PDGFC: variants seen among roughly 807,000 people sequenced by gnomAD.
The protein encoded by PDGFC is platelet derived growth factor C.
A neutral mutation model predicts 35.5 loss-of-function variants in PDGFC; 12 were observed. The ratio of observed to expected loss-of-function variants is 0.34; its 90% CI spans 0.22 to 0.55. The LOEUF is 0.55. Among genes scored for constraint, PDGFC ranks in the 20% least tolerant of loss-of-function variants. The pLI, the probability that PDGFC is intolerant of heterozygous loss-of-function variation, is 0.91. For synonymous variants in PDGFC, 159 were observed against 148.8 expected, an observed-to-expected ratio of 1.07 and a Z score of -0.50; for missense variants, 322 against 412.4, an observed-to-expected ratio of 0.78 and a Z score of 1.90.
chr4:156,940,810 T>C (rs1365238581), intron 1 of PDGFC, among the ~76,000 whole-genome samples: 1 of 152,162 alleles, frequency 6.6e-6, no homozygotes, highest in African/African-American at 2.4e-5. Context: ...GAGACAGATA[T>C]GACAATTCAG....
chr4:156,786,066 A>T (rs368919393), intron 3 of PDGFC, among the ~76,000 whole-genome samples: 2 of 152,240 alleles, frequency 1.3e-5, no homozygotes, highest in East Asian at 3.9e-4. Flanking sequence ...CCTAATCAAC[A>T]TAATATGATC....
chr4:156,880,669 G>C (rs1459197876), intron 1 of PDGFC, among the ~76,000 whole-genome samples: 4 of 152,204 alleles, frequency 2.6e-5, no homozygotes, highest in African/African-American at 9.6e-5. Context: ...TCCTCAGATG[G>C]ATCTCAAAAG....
At chr4:156,965,047 A>G (rs1199465438) in intron 1 of PDGFC, among the ~76,000 whole-genome samples, 1 of 152,194 alleles carries the variant, frequency 6.6e-6, no homozygotes, top group African/African-American at 2.4e-5. Context: ...TAGGAAACCT[A>G]TCCATTTGCC....
At chr4:156,899,228 C>A (rs1463134296) in intron 1 of PDGFC, among the ~76,000 whole-genome samples, 1 of 152,152 alleles carries the variant, frequency 6.6e-6, no homozygotes, top group Non-Finnish European at 1.5e-5. Context: ...ACTGAATCCA[C>A]AAAATGGTGT....
rs367687995 is a variant in PDGFC at position 156,946,837 on chromosome 4, TA to T, written c.118+23948del. On this transcript the variant is annotated intron_variant, in intron 1 of 5. Transcript: ENST00000502773. ...TCCCAGTTCATGTTTTCATATGTGTTAAGACTTTCTTGCCCTTGAAAATTTC... is the reference window on the plus strand; with the variant it reads ...TCCCAGTTCATGTTTTCATATGTGTTAGACTTTCTTGCCCTTGAAAATTTC... Among the ~76,000 whole-genome samples the T allele has an allele frequency of 1.3e-3, 191 of 152,152 alleles. 8 individuals carry two copies. In the South Asian group the frequency reaches 0.038, roughly 30 times the overall value.
At chr4:156,866,333 C>T (rs1729841580) in intron 1 of PDGFC, among the ~76,000 whole-genome samples, 2 of 151,994 alleles carry the variant, frequency 1.3e-5, no homozygotes, top group South Asian at 4.1e-4. Flanking sequence ...GTATGTGCCA[C>T]ATTTTTTTTC....
chr4:156,951,457 T>G (rs1732079309), intron 1 of PDGFC, among the ~76,000 whole-genome samples: 2 of 151,834 alleles, frequency 1.3e-5, no homozygotes, highest in Non-Finnish European at 2.9e-5. Context: ...TTTAATATTT[T>G]TGTTTCTTAC....
intron 1 of PDGFC, among the ~76,000 whole-genome samples, chr4:156,883,467 C>T (rs1196817097): frequency 6.6e-6 from 1 of 152,044 alleles, no homozygotes; most frequent in African/African-American, 2.4e-5. Flanking sequence ...TTACTTTACC[C>T]CAAGAATAAT....
chr4:156,948,756 T>C (rs1732007853), intron 1 of PDGFC, among the ~76,000 whole-genome samples: 1 of 151,984 alleles, frequency 6.6e-6, no homozygotes, highest in Non-Finnish European at 1.5e-5. Context: ...TCATTCTAGT[T>C]CCTCTACATA....
intron 1 of PDGFC, among the ~76,000 whole-genome samples, chr4:156,910,879 C>T (rs1311542489): frequency 1.3e-5 from 2 of 152,056 alleles, no homozygotes; most frequent in Admixed American, 6.6e-5. Context: ...TATCCATTTT[C>T]GAATTAGGAT....
chr4:156,911,112 T>C (rs191433625), intron 1 of PDGFC, among the ~76,000 whole-genome samples: 1 of 152,262 alleles, frequency 6.6e-6, no homozygotes, highest in Admixed American at 6.5e-5. Context: ...TAAGTACTGT[T>C]TGCCTAACCC....
Position 156,814,774 on chromosome 4 carries a change from G to A in PDGFC, c.315-3757C>T, listed in dbSNP as rs549834178. Among the ~76,000 whole-genome samples the A allele has an allele frequency of 2.1e-3, 322 of 152,038 alleles. 2 individuals are homozygous for A. Among genetic ancestry groups the A allele is most frequent in the Middle Eastern group, 0.017 (5 of 294 alleles). On this transcript the variant is annotated intron_variant, in intron 2 of 5. Coordinates refer to ENST00000502773, the MANE Select transcript of PDGFC (RefSeq NM_016205.3). Reference sequence around the variant, plus strand: ...AAAGTATTTTAAAAAGGGCTTTAACGACACAAAAATATCTAGATTAAAATG... The same window carrying A: ...AAAGTATTTTAAAAAGGGCTTTAACAACACAAAAATATCTAGATTAAAATG...
At chr4:156,925,741 C>A (rs4367222) in intron 1 of PDGFC, among the ~76,000 whole-genome samples, 3 of 125,568 alleles carry the variant, frequency 2.4e-5, no homozygotes, top group South Asian at 6.7e-4. Context: ...CAGTATTATT[C>A]TAAAAAAAAA....
intron 3 of PDGFC, among the ~76,000 whole-genome samples, chr4:156,798,085 G>T (rs924055759): frequency 6.6e-6 from 1 of 152,074 alleles, no homozygotes; most frequent in African/African-American, 2.4e-5. Context: ...CCGGCTACTC[G>T]GGAGGCTGAG....
intron 2 of PDGFC, among the ~76,000 whole-genome samples, chr4:156,819,487 C>T (rs1455831152): frequency 6.6e-6 from 1 of 152,166 alleles, no homozygotes; most frequent in Non-Finnish European, 1.5e-5. Context: ...TCTGCCTATG[C>T]TGTATCAATG....
intron 1 of PDGFC, among the ~76,000 whole-genome samples, chr4:156,942,082 C>T (rs1379730485): frequency 2.0e-5 from 3 of 151,960 alleles, no homozygotes; most frequent in East Asian, 1.9e-4. Flanking sequence ...CTCTTGAGCA[C>T]GTAGCCCTGT....
chr4:156,947,876 G>A (rs1445983367), intron 1 of PDGFC, among the ~76,000 whole-genome samples: 1 of 151,990 alleles, frequency 6.6e-6, no homozygotes, highest in Admixed American at 6.6e-5. Context: ...ATCAGAAACT[G>A]CCTGACTTCA....
intron 3 of PDGFC, among the ~76,000 whole-genome samples, chr4:156,803,021 T>A (rs916439698): frequency 4.6e-5 from 7 of 152,032 alleles, no homozygotes; most frequent in Non-Finnish European, 5.9e-5. Context: ...AAACAGAGGA[T>A]CTAATGCAAG....
At chr4:156,822,733 A>G (rs1732303976) in intron 2 of PDGFC, among the ~76,000 whole-genome samples, 1 of 152,028 alleles carries the variant, frequency 6.6e-6, no homozygotes, top group South Asian at 2.1e-4. Context: ...ACCTTACTCT[A>G]AGCTTCAGAG....
Sources: allele counts gnomAD v4.1 joint callset (sites outside exome capture counted in the v4.1 genomes callset), GRCh38; gene constraint gnomAD v4.1.1; transcripts MANE v1.5; gene names NCBI Gene and HGNC (gene_info 2026-07-23, HGNC 2026-07-21).